The following TREH variants were observed in gnomAD, a reference collection of about 807,000 sequenced individuals.
TREH encodes the protein alpha,alpha-trehalose glucohydrolase.
Under a neutral mutation model 80.5 loss-of-function variants are expected in TREH, and 69 were observed. The observed-to-expected ratio is 0.86, with a 90% CI of 0.71 to 1.05. The LOEUF is 1.05. Ranked by LOEUF, TREH falls within the 50% of genes least tolerant of loss-of-function variation. TREH has a pLI of 0.00. For synonymous variants in TREH, 309 were observed against 293.5 expected (o/e 1.05, Z -0.54); for missense variants, 716 against 718.8 (o/e 1.00, Z 0.04).
chr11:118,660,931 G>T lies in TREH; in HGVS notation c.858-16C>A. ...GGACTCAGGCCTGGCAAAGAGGAGA[G>T]GTGGGCAGCCTGGCACTAGTAGCTA... On this transcript the variant is annotated splice_polypyrimidine_tract_variant and intron_variant, in intron 8 of 14. Transcript: ENST00000264029. The T allele has an allele frequency of 6.4e-7, 1 of 1,567,352 alleles. No homozygotes were observed. Among genetic ancestry groups the T allele is most frequent in the African/African-American group, 1.4e-5 (1 of 73,910 alleles).
chr11:118,675,151 C>T (rs1949465845), intron 1 of TREH, among the ~76,000 whole-genome samples: 1 of 152,120 alleles, frequency 6.6e-6, no homozygotes, highest in Non-Finnish European at 1.5e-5. Context: ...CTCTTCACAC[C>T]ATGGGTGACC....
intron 4 of TREH, 23 bp from the exon 5 acceptor site, chr11:118,662,013 G>A (rs1949329575): frequency 1.3e-6 from 2 of 1,535,808 alleles, no homozygotes; most frequent in Non-Finnish European, 1.8e-6. Context: ...GAGAGGGCAA[G>A]GGGAGCCTAG....
In TREH at chr11:118,674,625, C is replaced by G. The variant is rs1591837443; in HGVS notation, c.89+4914G>C. Among the ~76,000 whole-genome samples the G allele has an allele frequency of 6.6e-6, 1 of 152,214 alleles. No individual in the cohort carries two copies. Among genetic ancestry groups the G allele is most frequent in the Admixed American group, 6.5e-5 (1 of 15,284 alleles). On this transcript the variant is annotated intron_variant, in intron 1 of 14. Coordinates refer to ENST00000264029, the MANE Select transcript of TREH (RefSeq NM_007180.3). The surrounding 1 kb of genome is among the most constrained non-coding windows in gnomAD (Gnocchi z 4.4). ...TGGCGAGATCTCAGCTCACTGCAAC[C>G]TCCACCTCCTGGGTTCAAGTGATTC...
At chr11:118,669,852 A>G (rs547091700) in intron 1 of TREH, among the ~76,000 whole-genome samples, 1 of 152,348 alleles carries the variant, frequency 6.6e-6, no homozygotes, top group South Asian at 2.1e-4. Flanking sequence ...TAACTAAAAG[A>G]GTATAATCAG....
rs1354758282 is a variant in TREH, at chr11:118,661,121, C to A, written c.857+39G>T. The A allele has an allele frequency of 1.2e-6, 2 of 1,613,106 alleles. No homozygotes were observed. Among genetic ancestry groups the A allele is most frequent in the African/African-American group, 2.7e-5 (2 of 74,904 alleles). Reference sequence around the variant, plus strand: ...ATTGTGATGCTCTAACCAGAGTGAGCAGGTAAGAGATTGAGGGGTGGGCTG... The same window carrying A: ...ATTGTGATGCTCTAACCAGAGTGAGAAGGTAAGAGATTGAGGGGTGGGCTG... On this transcript the variant is annotated intron_variant, in intron 8 of 14. Transcript: ENST00000264029. This position sits in a 1 kb window ranked among gnomAD's most constrained non-coding sequence, Gnocchi z 4.2.
intron 4 of TREH, 80 bp from the exon 5 acceptor site, chr11:118,662,070 C>A: frequency 8.6e-7 from 1 of 1,160,832 alleles, no homozygotes; most frequent in Non-Finnish European, 1.3e-6. Flanking sequence ...GATCTGAGGC[C>A]CCGGGAGTCA....
intron 1 of TREH, among the ~76,000 whole-genome samples, chr11:118,678,244 C>G (rs1555147068): frequency 2.6e-5 from 4 of 152,170 alleles, no homozygotes; most frequent in African/African-American, 9.7e-5. Flanking sequence ...TACACATCAC[C>G]TCCTCAGAGA....
Position 118,658,095 on chromosome 11 carries a change from G to A in TREH, c.*194C>T. 3 of 751,972 alleles carry A rather than the reference G, an allele frequency of 4.0e-6. No homozygotes were observed. Among genetic ancestry groups the A allele is most frequent in the Non-Finnish European group, 6.3e-6 (3 of 475,762 alleles). The allele number at this position is 751,972 out of a possible 1,614,324, so 46.6% of individuals were successfully genotyped here. A position where few individuals can be genotyped will look rare whatever the true frequency, so the allele number is the denominator to read the frequency against. Reference sequence around the variant, plus strand: ...GGGGATAGGTCTTCCCTCCAGAGCAGGATTTCCACCCTATTCAAGGTTCCA... The same window carrying A: ...GGGGATAGGTCTTCCCTCCAGAGCAAGATTTCCACCCTATTCAAGGTTCCA... On this transcript the variant is annotated 3_prime_UTR_variant, in exon 15 of 15. Transcript: ENST00000264029.
chr11:118,664,538 C>T (rs1001859552), intron 1 of TREH, among the ~76,000 whole-genome samples: 11 of 152,110 alleles, frequency 7.2e-5, no homozygotes, highest in Non-Finnish European at 1.0e-4. Context: ...GTCGTAGATG[C>T]AAATGTGCAA....
At chr11:118,670,797 TG>T (rs1949423547) in intron 1 of TREH, among the ~76,000 whole-genome samples, 1 of 152,180 alleles carries the variant, frequency 6.6e-6, no homozygotes, top group African/African-American at 2.4e-5. Context: ...TGGCAAAATA[TG>T]GCTTTACCCT....
chr11:118,666,465 A>G (rs1387476280), intron 1 of TREH, among the ~76,000 whole-genome samples: 2 of 152,226 alleles, frequency 1.3e-5, no homozygotes, highest in African/African-American at 2.4e-5. Flanking sequence ...GACAAGGTCA[A>G]ATGGCAGCCT....
rs782696695 is a variant in TREH, at chr11:118,661,594, C to A, written c.617+43G>T. 1.4e-5 allele frequency: 23 copies of A among 1,613,558 alleles called. No homozygotes were observed. The highest frequency in any genetic ancestry group is 1.8e-5 in the Non-Finnish European group (21 of 1,179,636). The stretch of plus-strand genomic sequence containing the variant: ...CAGCTGCATGCCCGTGGCACACCTG[C>A]CTCTCCTCCCCACCTAGGCTGGAGG... On this transcript the variant is annotated intron_variant, in intron 6 of 14. Transcript: ENST00000264029. The surrounding 1 kb of genome is among the most constrained non-coding windows in gnomAD (Gnocchi z 4.2).
At position 118,662,760 on chromosome 11, in the gene TREH, C is replaced by T. The variant is rs1555145206; in HGVS notation, c.423+121G>A. The stretch of plus-strand genomic sequence containing the variant: ...GGCCTCTATTTGGGGACCCAGGGGC[C>T]AGGGACTGGTTTCTCAGGAAAGGAA... On this transcript the variant is annotated intron_variant, in intron 4 of 14. Transcript: ENST00000264029. 4.3e-6 allele frequency: 5 copies of T among 1,153,058 alleles called. No homozygotes were observed. In the Admixed American group the frequency reaches 1.1e-4, roughly 25 times the overall value. The allele number at this position is 1,153,058 out of a possible 1,614,324, so 71.4% of individuals were successfully genotyped here.
At chr11:118,669,109 A>G (rs1275518242) in intron 1 of TREH, among the ~76,000 whole-genome samples, 1 of 152,232 alleles carries the variant, frequency 6.6e-6, no homozygotes, top group Non-Finnish European at 1.5e-5. Context: ...AATATAATTG[A>G]TCATCAGAGA....
In TREH at chr11:118,659,510, G is replaced by A. The variant is rs374460069; in HGVS notation, c.1321-29C>T. 5 of 1,526,886 alleles carry A rather than the reference G, an allele frequency of 3.3e-6. No individual in the cohort carries two copies. The African/African-American group carries it at 6.9e-5, about 21-fold the overall frequency. 94.6% of individuals were successfully genotyped at this position (1,526,886 alleles called of 1,614,324 possible). On this transcript the variant is annotated intron_variant, in intron 11 of 14. Transcript: ENST00000264029. ...GAAGGTCCCAGACATTCCCATGACTGTGGGTGGGGCTGGACTGGGAGCCAG... is the reference window on the plus strand; with the variant it reads ...GAAGGTCCCAGACATTCCCATGACTATGGGTGGGGCTGGACTGGGAGCCAG...
intron 9 of TREH, 23 bp downstream of exon 9, chr11:118,660,843 T>G: frequency 1.3e-6 from 2 of 1,559,978 alleles, no homozygotes; most frequent in South Asian, 1.2e-5. Context: ...CCCCCAGCCC[T>G]CCCTCACCCT....
intron 1 of TREH, among the ~76,000 whole-genome samples, chr11:118,675,288 A>G (rs1245760335): frequency 6.6e-6 from 1 of 152,188 alleles, no homozygotes; most frequent in African/African-American, 2.4e-5. Flanking sequence ...CAACTGCAAT[A>G]CTGCAATTTA....
In TREH at chr11:118,659,816, G is replaced by A; in HGVS notation, c.1251C>T (p.Asn417=). The part of the protein sequence containing the change: ...KKKNREFYPS[N]LTPLWAGCFS... ...AACACCCGGCCCAGAGTGGAGTGAG[G>A]TTGGATGGGTAAAACTCCCGGTTTT... Residue 417 remains asparagine, a synonymous_variant, in exon 11 of 15, where the codon AAC becomes AAT. Coordinates refer to ENST00000264029, the MANE Select transcript of TREH (RefSeq NM_007180.3). 1 of 1,576,916 alleles carries A rather than the reference G, an allele frequency of 6.3e-7. No homozygotes were observed. The highest frequency in any genetic ancestry group is 8.6e-7 in the Non-Finnish European group (1 of 1,160,572).
chr11:118,672,313 G>A (rs1460772470), intron 1 of TREH, among the ~76,000 whole-genome samples: 2 of 152,042 alleles, frequency 1.3e-5, no homozygotes, highest in East Asian at 1.9e-4. Context: ...TGGGGGAATC[G>A]CTTGAACCGG....
Sources: gnomAD v4.1 joint callset for allele counts (sites outside exome capture counted in the v4.1 genomes callset) on GRCh38, gnomAD v4.1.1 for gene constraint, Gnocchi (gnomAD v3.1) non-coding constraint, MANE v1.5 for transcripts, NCBI Gene and HGNC (gene_info 2026-07-23, HGNC 2026-07-21) for gene names.